Variants in PPP3CA observed in about 807,000 individuals in gnomAD.
PPP3CA encodes CAM-PRP catalytic subunit.
Under a neutral mutation model 66.5 loss-of-function variants are expected in PPP3CA, and 14 were observed. The ratio of observed to expected loss-of-function variants is 0.21; its 90% CI spans 0.14 to 0.33. The LOEUF is 0.33. Ranked by LOEUF, PPP3CA falls within the 10% of genes least tolerant of loss-of-function variation. The pLI, the probability that PPP3CA is intolerant of heterozygous loss-of-function variation, is 1.00. For synonymous variants in PPP3CA, 232 were observed against 226.2 expected (o/e 1.03, Z -0.23); for missense variants, 317 against 639.5 (o/e 0.50, Z 5.44).
At chr4:101,264,414 G>A (rs1435736536) in intron 1 of PPP3CA, among the ~76,000 whole-genome samples, 1 of 151,664 alleles carries the variant, frequency 6.6e-6, no homozygotes, top group African/African-American at 2.4e-5. Context: ...TAAGGCATAC[G>A]AAGGCAGGAA....
chr4:101,223,371 G>T (rs1462634509), intron 1 of PPP3CA, among the ~76,000 whole-genome samples: 1 of 151,654 alleles, frequency 6.6e-6, no homozygotes, highest in East Asian at 1.9e-4. Flanking sequence ...AAACTCCTTG[G>T]CTCTGCCAAA....
chr4:101,283,582 T>C (rs1727750337), intron 1 of PPP3CA, among the ~76,000 whole-genome samples: 1 of 152,208 alleles, frequency 6.6e-6, no homozygotes, highest in Non-Finnish European at 1.5e-5. Context: ...TCTTAAGTAA[T>C]GTGGCAAACC....
intron 1 of PPP3CA, among the ~76,000 whole-genome samples, chr4:101,241,190 T>C (rs1468161182): frequency 6.6e-6 from 1 of 152,096 alleles, no homozygotes; most frequent in Non-Finnish European, 1.5e-5. Context: ...GGAGATGGTA[T>C]GGTACAGTGA....
At chr4:101,131,453 A>C (rs1346400600) in intron 2 of PPP3CA, among the ~76,000 whole-genome samples, 1 of 151,014 alleles carries the variant, frequency 6.6e-6, no homozygotes, top group African/African-American at 2.4e-5. Context: ...TTGCAATCCT[A>C]GTTTCTGATA....
At chr4:101,325,668 A>C (rs1729184873) in intron 1 of PPP3CA, among the ~76,000 whole-genome samples, 1 of 152,166 alleles carries the variant, frequency 6.6e-6, no homozygotes, top group Admixed American at 6.5e-5. Context: ...ACGGCTAACC[A>C]TATCAAGAAA....
intron 2 of PPP3CA, among the ~76,000 whole-genome samples, chr4:101,172,491 G>T (rs1723915987): frequency 6.6e-6 from 1 of 150,836 alleles, no homozygotes; most frequent in African/African-American, 2.4e-5. Flanking sequence ...AAAGTATTCA[G>T]CACTGTGACT....
intron 9 of PPP3CA, among the ~76,000 whole-genome samples, chr4:101,062,084 TAATA>T (rs1728487831): frequency 6.6e-6 from 1 of 152,178 alleles, no homozygotes; most frequent in East Asian, 1.9e-4. Context: ...TGTTAATTTC[TAATA>T]AATGTCCCAA....
intron 2 of PPP3CA, among the ~76,000 whole-genome samples, chr4:101,178,654 C>T (rs1724139869): frequency 2.0e-5 from 3 of 152,008 alleles, no homozygotes; most frequent in Non-Finnish European, 2.9e-5. Context: ...AAGTCAACTC[C>T]GAAACCTCTA....
At chr4:101,274,932 T>C (rs1384407915) in intron 1 of PPP3CA, among the ~76,000 whole-genome samples, 2 of 152,342 alleles carry the variant, frequency 1.3e-5, no homozygotes, top group East Asian at 3.9e-4. Context: ...GTGTGAGTAA[T>C]AGCATTGAAA....
chr4:101,199,386 A>C (rs116238537), intron 1 of PPP3CA, among the ~76,000 whole-genome samples: 2,152 of 152,332 alleles, frequency 0.014, 50 homozygotes, highest in African/African-American at 0.049. Flanking sequence ...GCAGGCCAGG[A>C]CTAGAGAAAT....
rs111677392 is a variant in PPP3CA at position 101,117,985 on chromosome 4, G to A, written c.260-8907C>T. On this transcript the variant is annotated intron_variant, in intron 2 of 13. Coordinates refer to ENST00000394854, the MANE Select transcript of PPP3CA (RefSeq NM_000944.5). ...TAATAAATTACTAATTTTCACTTTA[G>A]AAATACTCATCTCAGGTTTCAGATT... Among the ~76,000 whole-genome samples, 37 of 151,976 alleles carry A rather than the reference G, an allele frequency of 2.4e-4. No individual in the cohort carries two copies. The East Asian group carries it at 2.9e-3, about 12-fold the overall frequency.
chr4:101,124,590 C>T (rs1722135184), intron 2 of PPP3CA, among the ~76,000 whole-genome samples: 1 of 148,046 alleles, frequency 6.8e-6, no homozygotes, highest in Non-Finnish European at 1.5e-5. Context: ...GCTGGGGCAA[C>T]AGAGCAAGAC....
chr4:101,040,071 T>C (rs1380324743), intron 11 of PPP3CA, among the ~76,000 whole-genome samples: 1 of 152,188 alleles, frequency 6.6e-6, no homozygotes, highest in Non-Finnish European at 1.5e-5. Flanking sequence ...AACAGCTTTA[T>C]GGCTGATGTT....
chr4:101,128,781 A>G (rs944169336), intron 2 of PPP3CA, among the ~76,000 whole-genome samples: 1 of 152,004 alleles, frequency 6.6e-6, no homozygotes, highest in Non-Finnish European at 1.5e-5. Context: ...GGGTGGCTAC[A>G]CCACAAGGGC....
intron 10 of PPP3CA, among the ~76,000 whole-genome samples, chr4:101,046,505 T>C (rs1181113352): frequency 1.3e-5 from 2 of 152,000 alleles, no homozygotes. Flanking sequence ...AAATGAAATA[T>C]ATATAAAAAG....
At chr4:101,073,204 C>G (rs1188088546) in intron 8 of PPP3CA, among the ~76,000 whole-genome samples, 1 of 148,914 alleles carries the variant, frequency 6.7e-6, no homozygotes, top group Non-Finnish European at 1.5e-5. Context: ...ACATAAATTT[C>G]TTTTCTACCA....
chr4:101,046,501 A>T (rs1727772071), intron 10 of PPP3CA, among the ~76,000 whole-genome samples: 1 of 151,968 alleles, frequency 6.6e-6, no homozygotes, highest in South Asian at 2.1e-4. Context: ...ATTTAAATGA[A>T]ATATATATAA....
rs536640678 is a variant in PPP3CA, at chr4:101,040,564, C to T, written c.1159G>A (p.Ala387Thr). ...LGSEEDGFDG[A>T]TAAARKEVIR... ...ACCTCTTTCCGGGCTGCAGCTGTTG[C>T]ACCTGTATTTTCAAACAGAGTTCAG... Residue 387 changes from alanine to threonine, a missense_variant and splice_region_variant, in exon 11 of 14, where the codon GCA becomes ACA. Coordinates refer to ENST00000394854, the MANE Select transcript of PPP3CA (RefSeq NM_000944.5). 1 of 1,610,592 alleles carries T rather than the reference C, an allele frequency of 6.2e-7. No individual in the cohort carries two copies. Among genetic ancestry groups the T allele is most frequent in the Admixed American group, 1.7e-5 (1 of 59,050 alleles).
At chr4:101,196,356 T>C (rs1724792637) in intron 1 of PPP3CA, among the ~76,000 whole-genome samples, 1 of 152,236 alleles carries the variant, frequency 6.6e-6, no homozygotes, top group Non-Finnish European at 1.5e-5. Flanking sequence ...CAGTACTATC[T>C]CTTGCATCTA....
Sources: gnomAD v4.1 joint callset for allele counts (sites outside exome capture counted in the v4.1 genomes callset) on GRCh38, gnomAD v4.1.1 for gene constraint, MANE v1.5 for transcripts, NCBI Gene and HGNC (gene_info 2026-07-23, HGNC 2026-07-21) for gene names.